MKRN2OS: variants seen among roughly 807,000 people sequenced by gnomAD.
MKRN2OS encodes MKRN2 opposite strand protein.
MKRN2OS carries 17 observed loss-of-function variants against 18.2 expected under a neutral mutation model. The ratio of observed to expected loss-of-function variants is 0.93; its 90% CI spans 0.64 to 1.40. The LOEUF is 1.40. MKRN2OS is among the 40% of genes most tolerant of loss of function. The probability of loss-of-function intolerance (pLI) is 0.00; values close to 1 mark genes in which losing one functional copy is unlikely to be tolerated. For synonymous variants in MKRN2OS, 121 were observed against 108.5 expected, an observed-to-expected ratio of 1.12 and a Z score of -0.72; for missense variants, 337 against 283.0, an observed-to-expected ratio of 1.19 and a Z score of -1.37.
chr3:12,555,549 T>A lies in MKRN2OS; in HGVS notation n.265-1415A>T, dbSNP rs187813421. ...AAAAGAACATACAGCTATACATACA[T>A]AACATGGAAAGATCTCACAGATAAA... On this transcript the variant is annotated intron_variant and non_coding_transcript_variant, in intron 1 of 1. Transcript: ENST00000447550. 1.3e-3 allele frequency among the ~76,000 whole-genome samples: 193 copies of A among 152,190 alleles called. 1 individual carries two copies. The highest frequency in any genetic ancestry group is 4.2e-3 in the African/African-American group (175 of 41,514).
chr3:12,554,768 G>T (rs956305533), intron 1 of MKRN2OS, among the ~76,000 whole-genome samples: 6 of 152,090 alleles, frequency 3.9e-5, no homozygotes, highest in Non-Finnish European at 8.8e-5. Flanking sequence ...CTACAAAAAG[G>T]AGAAAATAAT....
intron 1 of MKRN2OS, among the ~76,000 whole-genome samples, chr3:12,557,790 C>T (rs1473827593): frequency 6.6e-6 from 1 of 152,198 alleles, no homozygotes; most frequent in Non-Finnish European, 1.5e-5. Flanking sequence ...TTATTATTAC[C>T]ATTTTACAGT....
chr3:12,558,384 C>G (rs2058002268), intron 1 of MKRN2OS, among the ~76,000 whole-genome samples: 1 of 152,148 alleles, frequency 6.6e-6, no homozygotes, highest in African/African-American at 2.4e-5. Flanking sequence ...TATAAAGTTT[C>G]TCCTGCTGGA....
At position 12,540,325 on chromosome 3, in the gene MKRN2OS, C is replaced by A; in HGVS notation, c.540G>T (p.Lys180Asn). 3 of 1,536,148 alleles carry A rather than the reference C, an allele frequency of 2.0e-6. No homozygotes were observed. The highest frequency in any genetic ancestry group is 2.6e-6 in the Non-Finnish European group (3 of 1,146,916). Residue 180 changes from lysine to asparagine, a missense_variant, in exon 4 of 4, where the codon AAG becomes AAT. Lys to Asn is a moderately conservative substitution (Grantham distance 94). Transcript: ENST00000564146. ...QQLDKGEFTE[K>N]YVVPRTRLAS... is the part of the protein sequence containing the mutation. ...CCAGCCTTGTCCGCGGGACCACGTA[C>A]TTCTCCGTAAATTCACCCTTGTCCA...
chr3:12,542,105 C>A, intron 2 of MKRN2OS, 83 bp from the exon 3 acceptor site: 1 of 1,361,092 alleles, frequency 7.3e-7, no homozygotes, highest in Admixed American at 2.4e-5. Flanking sequence ...ATGACAGTAG[C>A]CATGTGGTAA....
At chr3:12,548,474 A>C (rs1243346045), upstream of MKRN2OS, among the ~76,000 whole-genome samples, 6 of 29,556 alleles carry the variant, frequency 2.0e-4, no homozygotes, top group South Asian at 1.2e-3. Flanking sequence ...AAAAAAAAAA[A>C]AAAAAAAACC....
At chr3:12,552,259 A>T (rs1024332826), downstream of MKRN2OS, among the ~76,000 whole-genome samples, 3 of 151,748 alleles carry the variant, frequency 2.0e-5, no homozygotes, top group East Asian at 3.9e-4. Context: ...CGGAGGTTGC[A>T]GTGAGCTGAG....
intron 1 of MKRN2OS, among the ~76,000 whole-genome samples, chr3:12,560,478 T>TAAAAAAAA (rs10651248): frequency 8.0e-6 from 1 of 124,968 alleles, no homozygotes; most frequent in African/African-American, 2.8e-5. Flanking sequence ...TAGGAAAATG[T>TAAAAAAAA]AAAAAAAAAA....
At chr3:12,552,740 A>C (rs2057938891), downstream of MKRN2OS, among the ~76,000 whole-genome samples, 1 of 151,576 alleles carries the variant, frequency 6.6e-6, no homozygotes. Context: ...ATCATCCTGC[A>C]GGCTGGGCAT....
intron 3 of MKRN2OS, 123 bp from the exon 4 acceptor site, chr3:12,540,556 CT>C: frequency 8.7e-7 from 1 of 1,154,234 alleles, no homozygotes; most frequent in Non-Finnish European, 1.2e-6. Flanking sequence ...CATGTGCTGG[CT>C]TATGTGGTTA....
intron 1 of MKRN2OS, among the ~76,000 whole-genome samples, chr3:12,560,127 CA>C: frequency 6.6e-6 from 1 of 152,164 alleles, no homozygotes; most frequent in South Asian, 2.1e-4. Flanking sequence ...ATAATAGCAA[CA>C]AACCATTTAT....
intron 1 of MKRN2OS, among the ~76,000 whole-genome samples, chr3:12,555,127 G>C (rs540582296): frequency 6.6e-6 from 1 of 152,208 alleles, no homozygotes; most frequent in South Asian, 2.1e-4. Context: ...CTGGGCAACA[G>C]GGTGAAACCC....
chr3:12,553,033 A>G (rs1177710411), downstream of MKRN2OS, among the ~76,000 whole-genome samples: 1 of 145,364 alleles, frequency 6.9e-6, no homozygotes, highest in East Asian at 2.0e-4. Context: ...AAAAAAAAAA[A>G]AAAAATCTTC....
chr3:12,540,355 C>T lies in MKRN2OS; in HGVS notation c.510G>A (p.Gln170=), dbSNP rs1349774143. The part of the protein sequence containing the change: ...INCVLMAEGR[Q]QLDKGEFTEK... ...CCGTAAATTCACCCTTGTCCAGTTGCTGTCTACCTTCTGCCATCAGAACGC... is the reference window on the plus strand; with the variant it reads ...CCGTAAATTCACCCTTGTCCAGTTGTTGTCTACCTTCTGCCATCAGAACGC... Residue 170 remains glutamine (Q), a synonymous_variant, in exon 4 of 4, where the codon CAG becomes CAA. Coordinates refer to ENST00000564146, the MANE Select transcript of MKRN2OS (RefSeq NM_001195279.2). 1.3e-6 allele frequency: 2 copies of T among 1,536,134 alleles called. No homozygotes were observed. Among genetic ancestry groups the T allele is most frequent in the South Asian group, 1.2e-5 (1 of 84,064 alleles).
chr3:12,545,468 T>G lies in MKRN2OS; in HGVS notation c.-4A>C. On this transcript the variant is annotated 5_prime_UTR_variant, in exon 1 of 4. Coordinates refer to ENST00000564146, the MANE Select transcript of MKRN2OS (RefSeq NM_001195279.2). ...TCCCAGCCTCTGCGCAGTGCATAGC[T>G]TTCGCCTCCTGGAATGCTAGGGGAG... The G allele has an allele frequency of 6.6e-7, 1 of 1,504,636 alleles. No individual in the cohort carries two copies. Among genetic ancestry groups the G allele is most frequent in the Non-Finnish European group, 8.9e-7 (1 of 1,129,386 alleles). 93.2% of individuals were successfully genotyped at this position (1,504,636 alleles called of 1,614,324 possible). A position where few individuals can be genotyped will look rare whatever the true frequency, so the allele number is the denominator to read the frequency against.
intron 1 of MKRN2OS, among the ~76,000 whole-genome samples, chr3:12,560,161 C>A (rs908810091): frequency 6.6e-6 from 1 of 152,188 alleles, no homozygotes; most frequent in Non-Finnish European, 1.5e-5. Flanking sequence ...TGAGCACTTA[C>A]ATGCATTTTC....
downstream of MKRN2OS, chr3:12,553,639 C>G (rs2057944907): frequency 6.6e-6 from 1 of 152,022 alleles, no homozygotes; most frequent in South Asian, 2.1e-4. Flanking sequence ...TACTACTTCT[C>G]TTTAACATTG....
At chr3:12,552,791 G>C (rs1242167983), downstream of MKRN2OS, among the ~76,000 whole-genome samples, 2 of 151,900 alleles carry the variant, frequency 1.3e-5, no homozygotes, top group African/African-American at 4.8e-5. Context: ...GGGAGGCCAA[G>C]GTGAGCAAAT....
At chr3:12,546,027 T>G (rs2125292011), upstream of MKRN2OS, among the ~76,000 whole-genome samples, 1 of 152,256 alleles carries the variant, frequency 6.6e-6, no homozygotes, top group Non-Finnish European at 1.5e-5. Flanking sequence ...CAGGCTGGAC[T>G]TGAAGAGGCC....
Sources: gnomAD v4.1 joint callset for allele counts (sites outside exome capture counted in the v4.1 genomes callset) on GRCh38, gnomAD v4.1.1 for gene constraint, MANE v1.5 for transcripts, NCBI Gene and HGNC (gene_info 2026-07-23, HGNC 2026-07-21) for gene names.